The following CACNA1B variants were observed in gnomAD, a reference collection of about 807,000 sequenced individuals.
CACNA1B encodes calcium voltage-gated channel subunit alpha1 B, also known as voltage-dependent N-type calcium channel subunit alpha-1B.
In CACNA1B, 70 loss-of-function variants were observed where a neutral mutation model predicts 247.2. The observed-to-expected ratio is 0.28, with a 90% CI of 0.23 to 0.35. The LOEUF is 0.35. Among genes scored for constraint, CACNA1B ranks in the 10% least tolerant of loss-of-function variants. CACNA1B has a pLI of 1.00. For synonymous variants in CACNA1B, 1,231 were observed against 1,294.4 expected, an observed-to-expected ratio of 0.95 and a Z score of 1.05; for missense variants, 2,367 against 3,197.4, an observed-to-expected ratio of 0.74 and a Z score of 6.26.
At chr9:137,951,938 C>T (rs978226327) in intron 6 of CACNA1B, among the ~76,000 whole-genome samples, 1 of 152,166 alleles carries the variant, frequency 6.6e-6, no homozygotes, top group Admixed American at 6.5e-5. Flanking sequence ...AGGTTGGGTG[C>T]TCATGCCACC....
chr9:138,036,446 A>G (rs1446689527), intron 20 of CACNA1B, among the ~76,000 whole-genome samples: 3 of 152,016 alleles, frequency 2.0e-5, no homozygotes, highest in Admixed American at 6.6e-5. Context: ...GCCTTCCCCT[A>G]ATTTCTTTTA....
intron 36 of CACNA1B, among the ~76,000 whole-genome samples, chr9:138,088,443 T>C (rs1309020370): frequency 1.3e-5 from 2 of 151,210 alleles, no homozygotes; most frequent in African/African-American, 4.9e-5. Context: ...AATATGCAAA[T>C]AAATAATTCA....
intron 20 of CACNA1B, 111 bp downstream of exon 20, chr9:138,025,283 T>G (rs1958908053): frequency 1.4e-6 from 1 of 697,642 alleles, no homozygotes; most frequent in Non-Finnish European, 2.5e-6. Context: ...CCTCTGTGAA[T>G]TGTTCTCCTG....
intron 20 of CACNA1B, among the ~76,000 whole-genome samples, chr9:138,041,187 G>A (rs1959116428): frequency 6.6e-6 from 1 of 152,122 alleles, no homozygotes; most frequent in Non-Finnish European, 1.5e-5. Flanking sequence ...CTTTAGCCCC[G>A]CTTTGGGGAT....
intron 40 of CACNA1B, among the ~76,000 whole-genome samples, chr9:138,113,876 A>G (rs1661143695): frequency 1.4e-5 from 2 of 141,164 alleles, no homozygotes; most frequent in Admixed American, 1.4e-4. Context: ...GGAGGTGCCC[A>G]ACTCCACCTT....
At chr9:137,932,223 G>C (rs775725331) in intron 6 of CACNA1B, among the ~76,000 whole-genome samples, 1 of 152,142 alleles carries the variant, frequency 6.6e-6, no homozygotes, top group Non-Finnish European at 1.5e-5. Context: ...TTGCAAGCCT[G>C]CTAACTCCCG....
At chr9:138,039,215 A>T (rs936896492) in intron 20 of CACNA1B, among the ~76,000 whole-genome samples, 2 of 152,064 alleles carry the variant, frequency 1.3e-5, no homozygotes, top group Non-Finnish European at 2.9e-5. Flanking sequence ...AAAAAATAAA[A>T]AAAAAAAGAG....
At chr9:137,984,610 C>T (rs191128162) in intron 13 of CACNA1B, among the ~76,000 whole-genome samples, 99 of 152,260 alleles carry the variant, frequency 6.5e-4, no homozygotes, top group African/African-American at 2.2e-3. Context: ...GAAGCTTTTC[C>T]ATCATCCAGC....
chr9:137,981,873 C>T (rs865978971), intron 12 of CACNA1B, among the ~76,000 whole-genome samples: 1 of 152,330 alleles, frequency 6.6e-6, no homozygotes, highest in Middle Eastern at 3.4e-3. Context: ...CTATGAAATT[C>T]TCCTCGCTTT....
At position 137,917,221 on chromosome 9, in the gene CACNA1B, C is replaced by T. The variant is rs776810867; in HGVS notation, c.776-20C>T. 1.2e-6 allele frequency: 2 copies of T among 1,603,538 alleles called. No homozygotes were observed. The highest frequency in any genetic ancestry group is 1.7e-5 in the Admixed American group (1 of 59,142). ...TTGGTATTTCTGAGCTCAGGGTCTG[C>T]TTCATTCTCCTTCTTGCAGATGCGG... On this transcript the variant is annotated intron_variant, in intron 5 of 46. Transcript: ENST00000371372. The surrounding 1 kb of genome is among the most constrained non-coding windows in gnomAD (Gnocchi z 5.5).
At chr9:137,930,615 G>A (rs897419396) in intron 6 of CACNA1B, among the ~76,000 whole-genome samples, 3 of 152,152 alleles carry the variant, frequency 2.0e-5, no homozygotes, top group Non-Finnish European at 2.9e-5. Flanking sequence ...TTGGTTGATG[G>A]TGTTGTTGAG....
Position 137,917,443 on chromosome 9 carries a change from C to T in CACNA1B, c.966+12C>T. ...ACATCCTCTATAATGTGAGTGGCGT[C>T]TTGGCCCTGGGCCTGAGGGCAGGCC... On this transcript the variant is annotated intron_variant, in intron 6 of 46. Transcript: ENST00000371372. The surrounding 1 kb of genome is among the most constrained non-coding windows in gnomAD (Gnocchi z 5.5). 6.2e-7 allele frequency: 1 copy of T among 1,610,884 alleles called. No individual in the cohort carries two copies. Among genetic ancestry groups the T allele is most frequent in the Non-Finnish European group, 8.5e-7 (1 of 1,178,032 alleles).
intron 6 of CACNA1B, among the ~76,000 whole-genome samples, chr9:137,927,778 A>T (rs772452899): frequency 9.2e-5 from 14 of 152,154 alleles, no homozygotes; most frequent in Non-Finnish European, 1.6e-4. Flanking sequence ...TTTGAGGTAG[A>T]TGCTGTTTAT....
intron 6 of CACNA1B, among the ~76,000 whole-genome samples, chr9:137,926,195 G>T (rs1045876751): frequency 1.3e-5 from 2 of 149,380 alleles, no homozygotes; most frequent in Non-Finnish European, 3.0e-5. Flanking sequence ...TCAGCCTCCC[G>T]AGTAGCTGGG....
At chr9:137,918,940 C>G (rs952077353) in intron 6 of CACNA1B, among the ~76,000 whole-genome samples, 5 of 152,212 alleles carry the variant, frequency 3.3e-5, no homozygotes, top group Non-Finnish European at 5.9e-5. Flanking sequence ...GCTGTTCTCT[C>G]TCTGTAGCCA....
At position 137,888,877 on chromosome 9, in the gene CACNA1B, C is replaced by T. The variant is rs1409889529; in HGVS notation, c.530+5994C>T. Among the ~76,000 whole-genome samples, 2 of 152,112 alleles carry T rather than the reference C, an allele frequency of 1.3e-5. No individual in the cohort carries two copies. The highest frequency in any genetic ancestry group is 6.6e-5 in the Admixed American group (1 of 15,264). On this transcript the variant is annotated intron_variant, in intron 3 of 46. Transcript: ENST00000371372. The surrounding 1 kb of genome is among the most constrained non-coding windows in gnomAD (Gnocchi z 4.7). ...CCAGCTCAGGGCCCCACAGAGGGTC[C>T]CCATGGGCAAGGAGGGTCCACCCAG...
chr9:137,959,711 G>A (rs939743689), intron 10 of CACNA1B, among the ~76,000 whole-genome samples: 1 of 152,064 alleles, frequency 6.6e-6, no homozygotes, highest in South Asian at 2.1e-4. Flanking sequence ...TCTTAACCTC[G>A]CCTGTGTCGA....
At chr9:138,117,287 G>T (rs972605637) in intron 42 of CACNA1B, among the ~76,000 whole-genome samples, 4 of 40,378 alleles carry the variant, frequency 9.9e-5, no homozygotes, top group Non-Finnish European at 1.9e-4. Context: ...TGTGGCTTGG[G>T]GGGGGGGTCA....
At chr9:137,942,802 C>G (rs1403477690) in intron 6 of CACNA1B, among the ~76,000 whole-genome samples, 1 of 152,166 alleles carries the variant, frequency 6.6e-6, no homozygotes, top group Non-Finnish European at 1.5e-5. Context: ...ACACAGTGGA[C>G]TTTGGGGACT....
Sources: gnomAD v4.1 joint callset for allele counts (sites outside exome capture counted in the v4.1 genomes callset) on GRCh38, gnomAD v4.1.1 for gene constraint, Gnocchi (gnomAD v3.1) non-coding constraint, MANE v1.5 for transcripts, NCBI Gene and HGNC (gene_info 2026-07-23, HGNC 2026-07-21) for gene names.